Variants in C19orf38 observed in about 807,000 individuals in gnomAD.
C19orf38 encodes the protein protein HIDE1.
Under a neutral mutation model 26.6 loss-of-function variants are expected in C19orf38, and 14 were observed. That is an observed-to-expected ratio of 0.53 (90% CI 0.35 to 0.82). C19orf38 has a LOEUF of 0.82. Ranked by LOEUF, C19orf38 falls within the 40% of genes least tolerant of loss-of-function variation. The pLI is 0.01. For missense variants in C19orf38, 261 were observed against 299.5 expected (o/e 0.87, Z 0.95); for synonymous variants, 132 against 128.5 (o/e 1.03, Z -0.18).
rs193018428 is a variant in C19orf38 at position 10,862,490 on chromosome 19, C to T, written c.506-680C>T. On this transcript the variant is annotated intron_variant, in intron 5 of 6. Coordinates refer to ENST00000397820, the MANE Select transcript of C19orf38 (RefSeq NM_001136482.3). Reference sequence around the variant, plus strand: ...AAAGCGTTGGGATTACAGCCGTGAGCCACCTCACCTGGCTAGAAGTGATGT... The same window carrying T: ...AAAGCGTTGGGATTACAGCCGTGAGTCACCTCACCTGGCTAGAAGTGATGT... Among the ~76,000 whole-genome samples, 368 of 152,192 alleles carry T rather than the reference C, an allele frequency of 2.4e-3. 3 individuals are homozygous for T. Among genetic ancestry groups the T allele is most frequent in the African/African-American group, 8.1e-3 (335 of 41,542 alleles).
chr19:10,856,289 C>G lies in C19orf38; in HGVS notation c.365C>G (p.Ser122Cys). The G allele has an allele frequency of 6.4e-7, 1 of 1,551,350 alleles. No individual in the cohort carries two copies. Among genetic ancestry groups the G allele is most frequent in the Non-Finnish European group, 8.7e-7 (1 of 1,146,676 alleles). The change falls in exon 3 of 7, where the codon TCC becomes TGC. Residue 122 changes from serine (S) to cysteine (C), a missense_variant. Transcript: ENST00000397820. ...FPVPTWILVL[S>C]LSLAGALFLL... ...GTGCCCACTTGGATCTTGGTGCTCTCCCTGAGCCTGGCTGGTGCCCTCTTC... is the reference window on the plus strand; with the variant it reads ...GTGCCCACTTGGATCTTGGTGCTCTGCCTGAGCCTGGCTGGTGCCCTCTTC...
chr19:10,859,384 ATTTTT>A (rs1221027780), intron 4 of C19orf38, among the ~76,000 whole-genome samples: 5 of 21,064 alleles, frequency 2.4e-4, no homozygotes, highest in Admixed American at 7.7e-4. Flanking sequence ...ATATATATAT[ATTTTT>A]TTTTTTTTTT....
intron 2 of C19orf38, 50 bp downstream of exon 2, chr19:10,850,617 T>C (rs1372094809): frequency 6.6e-7 from 1 of 1,521,220 alleles, no homozygotes; most frequent in Non-Finnish European, 8.9e-7. Context: ...TTTTCTCACA[T>C]GGACCTCTTG....
intron 1 of C19orf38, among the ~76,000 whole-genome samples, chr19:10,840,947 TTTTG>T (rs569452694): frequency 2.6e-4 from 39 of 152,282 alleles, no homozygotes; most frequent in African/African-American, 5.8e-4. Context: ...GTTTTGTATT[TTTTG>T]TTTGTTTGTT....
intron 1 of C19orf38, among the ~76,000 whole-genome samples, chr19:10,839,001 G>T (rs983819496): frequency 6.6e-6 from 1 of 150,384 alleles, no homozygotes; most frequent in Admixed American, 6.7e-5. Flanking sequence ...CGCAACCTCC[G>T]CCTCCCAGGT....
At chr19:10,838,640 G>A (rs116098853) in intron 1 of C19orf38, among the ~76,000 whole-genome samples, 1,790 of 152,272 alleles carry the variant, frequency 0.012, 42 homozygotes, top group African/African-American at 0.041. Context: ...AAAGAATGAG[G>A]TTGAGAACGA....
At chr19:10,846,756 C>G (rs917052839), upstream of C19orf38, among the ~76,000 whole-genome samples, 1 of 152,178 alleles carries the variant, frequency 6.6e-6, no homozygotes, top group Admixed American at 6.6e-5. Flanking sequence ...TTTGACAACT[C>G]TGATGAAATG....
intron 6 of C19orf38, among the ~76,000 whole-genome samples, chr19:10,866,299 C>G (rs974011119): frequency 6.6e-6 from 1 of 150,556 alleles, no homozygotes; most frequent in Non-Finnish European, 1.5e-5. Flanking sequence ...CTCCCAGGTT[C>G]AAGCGATTCT....
chr19:10,858,226 TAAAAAAA>T (rs371026775), intron 3 of C19orf38, 83 bp from the exon 4 acceptor site: 12 of 321,580 alleles, frequency 3.7e-5, no homozygotes, highest in Admixed American at 1.8e-4. Flanking sequence ...AGACTCTGTC[TAAAAAAA>T]AAAAAAAAAA....
Position 10,869,385 on chromosome 19 carries a change from C to A in C19orf38, c.*18C>A, listed in dbSNP as rs771244198. On this transcript the variant is annotated 3_prime_UTR_variant, in exon 7 of 7. Coordinates refer to ENST00000397820, the MANE Select transcript of C19orf38 (RefSeq NM_001136482.3). ...GCCAGTGAGGCTGAGGACTGGGGGACCCCTCTGTCTCCAGGCATTCGGGGG... is the reference window on the plus strand; with the variant it reads ...GCCAGTGAGGCTGAGGACTGGGGGAACCCTCTGTCTCCAGGCATTCGGGGG... The A allele has an allele frequency of 1.1e-4, 166 of 1,540,694 alleles. 1 individual carries two copies. The highest frequency in any genetic ancestry group is 1.5e-5 in the Non-Finnish European group (17 of 1,142,212).
chr19:10,848,307 T>A, upstream of C19orf38: 2 of 584,378 alleles, frequency 3.4e-6, no homozygotes, highest in Non-Finnish European at 6.2e-6. Context: ...GTCTGATGTG[T>A]GTTTGGGGAA....
upstream of C19orf38, among the ~76,000 whole-genome samples, chr19:10,843,701 G>A (rs1212893977): frequency 2.6e-5 from 4 of 151,958 alleles, no homozygotes; most frequent in East Asian, 7.7e-4. Flanking sequence ...GTTTTTTTTC[G>A]CTGTCAGGTC....
rs1357030500 is a variant in C19orf38, at chr19:10,867,708, A to AGTG, written c.544-1506_544-1504dup. Among the ~76,000 whole-genome samples the AGTG allele has an allele frequency of 6.0e-5, 7 of 117,358 alleles. No individual in the cohort carries two copies. In the East Asian group the frequency reaches 1.2e-3, roughly 19 times the overall value. 77.0% of individuals were successfully genotyped at this position (117,358 alleles called of 152,430 possible). A position where few individuals can be genotyped will look rare whatever the true frequency, so the allele number is the denominator to read the frequency against. On this transcript the variant is annotated intron_variant, in intron 6 of 6. Coordinates refer to ENST00000397820, the MANE Select transcript of C19orf38 (RefSeq NM_001136482.3). Reference sequence around the variant, plus strand: ...CACTCTGTCGCCCAGACTGCAGTGCAGTGGTGTGATCTCGGCTCACTGCCA... The same window carrying AGTG: ...CACTCTGTCGCCCAGACTGCAGTGCAGTGGTGGTGTGATCTCGGCTCACTGCCA...
At chr19:10,864,702 C>T (rs2073735547) in intron 6 of C19orf38, among the ~76,000 whole-genome samples, 1 of 152,004 alleles carries the variant, frequency 6.6e-6, no homozygotes, top group Non-Finnish European at 1.5e-5. Context: ...GTGGTTTGGT[C>T]CAAAATGTTG....
intron 1 of C19orf38, among the ~76,000 whole-genome samples, chr19:10,849,564 A>G (rs1444144914): frequency 6.6e-6 from 1 of 152,162 alleles, no homozygotes; most frequent in Non-Finnish European, 1.5e-5. Flanking sequence ...CCTGGCCAAC[A>G]TGGTGAAACC....
chr19:10,866,640 C>T (rs1397938939), intron 6 of C19orf38, among the ~76,000 whole-genome samples: 1 of 151,710 alleles, frequency 6.6e-6, no homozygotes, highest in Non-Finnish European at 1.5e-5. Context: ...CACATGCCAC[C>T]GCGGCTGGCT....
chr19:10,863,331 A>G lies in C19orf38; in HGVS notation c.543+124A>G, dbSNP rs1299212253. The G allele has an allele frequency of 2.7e-6, 3 of 1,116,086 alleles. No individual in the cohort carries two copies. The East Asian group carries it at 7.7e-5, about 29-fold the overall frequency. The allele number at this position is 1,116,086 out of a possible 1,614,324, so 69.1% of individuals were successfully genotyped here. On this transcript the variant is annotated intron_variant, in intron 6 of 6. Transcript: ENST00000397820. The stretch of plus-strand genomic sequence containing the variant: ...GTCTCTAAGCTGCGGGGGGGCTAGG[A>G]AAAGCCCAGAATCACTGAACAGGGA...
intron 6 of C19orf38, among the ~76,000 whole-genome samples, chr19:10,864,443 T>G (rs1289839849): frequency 6.6e-6 from 1 of 152,022 alleles, no homozygotes; most frequent in Non-Finnish European, 1.5e-5. Context: ...GGACACATTT[T>G]TGGCACAGCC....
At chr19:10,851,555 C>T (rs1037147823) in intron 2 of C19orf38, among the ~76,000 whole-genome samples, 3 of 152,100 alleles carry the variant, frequency 2.0e-5, no homozygotes, top group East Asian at 1.9e-4. Flanking sequence ...TGACCAGGGC[C>T]GGACATGGTA....
Sources: allele counts gnomAD v4.1 joint callset (sites outside exome capture counted in the v4.1 genomes callset), GRCh38; gene constraint gnomAD v4.1.1; transcripts MANE v1.5; gene names NCBI Gene and HGNC (gene_info 2026-07-23, HGNC 2026-07-21).